The following ATP8B1 variants were observed in gnomAD, a reference collection of about 807,000 sequenced individuals.
The protein encoded by ATP8B1 is ATPase phospholipid transporting 8B1, also known as phospholipid-transporting ATPase IC.
Under a neutral mutation model 149.9 loss-of-function variants are expected in ATP8B1, and 80 were observed. The observed-to-expected ratio is 0.53, with a 90% CI of 0.45 to 0.64. The LOEUF (loss-of-function observed/expected upper bound fraction) is 0.64. Among genes scored for constraint, ATP8B1 ranks in the 30% least tolerant of loss-of-function variants. ATP8B1 has a pLI of 0.00. For synonymous variants in ATP8B1, 536 were observed against 562.8 expected (o/e 0.95, Z 0.67); for missense variants, 1,247 against 1,552.6 (o/e 0.80, Z 3.31).
chr18:57,661,247 G>A lies in ATP8B1; in HGVS notation c.2634C>T (p.Asp878=). The A allele has an allele frequency of 6.2e-7, 1 of 1,613,928 alleles. No homozygotes were observed. The highest frequency in any genetic ancestry group is 8.5e-7 in the Non-Finnish European group (1 of 1,179,994). The change falls in exon 22 of 28, where the codon GAC becomes GAT. Residue 878 remains aspartate (D), a synonymous_variant. Coordinates refer to ENST00000648908, the MANE Select transcript of ATP8B1 (RefSeq NM_001374385.1). ...VTPKQKAMVV[D]LVKRYKKAIT... is the part of the protein sequence containing the mutation. ...TGGCTTTCTTGTACCTCTTCACCAG[G>A]TCCACCACCATGGCCTTCTGCTTGG...
chr18:57,756,301 G>T lies in ATP8B1; in HGVS notation c.-25-24469C>A, dbSNP rs74460905. On this transcript the variant is annotated intron_variant, in intron 1 of 27. Coordinates refer to ENST00000648908, the MANE Select transcript of ATP8B1 (RefSeq NM_001374385.1). The stretch of plus-strand genomic sequence containing the variant: ...ACAACATATATATGTGTGTGTGTAT[G>T]TATATATATATATATTTGAGACTGA... Among the ~76,000 whole-genome samples, 14 of 107,830 alleles carry T rather than the reference G, an allele frequency of 1.3e-4. 1 individual carries two copies. In the East Asian group the frequency reaches 3.3e-3, roughly 25 times the overall value. 70.7% of individuals were successfully genotyped at this position (107,830 alleles called of 152,430 possible). A position where few individuals can be genotyped will look rare whatever the true frequency, so the allele number is the denominator to read the frequency against.
chr18:57,797,406 G>T (rs1237544791), intron 1 of ATP8B1, among the ~76,000 whole-genome samples: 1 of 152,200 alleles, frequency 6.6e-6, no homozygotes, highest in Non-Finnish European at 1.5e-5. Context: ...CACGCTGTGG[G>T]GGATGGTGGC....
At chr18:57,749,560 ACTTACC>A (rs1568053190) in intron 1 of ATP8B1, among the ~76,000 whole-genome samples, 3 of 152,180 alleles carry the variant, frequency 2.0e-5, no homozygotes, top group South Asian at 4.1e-4. Flanking sequence ...CAACCTGAAA[ACTTACC>A]CCCGAATTAA....
At position 57,688,349 on chromosome 18, in the gene ATP8B1, G is replaced by C; in HGVS notation, c.1379C>G (p.Thr460Arg). 1 of 1,614,180 alleles carries C rather than the reference G, an allele frequency of 6.2e-7. No individual in the cohort carries two copies. Among genetic ancestry groups the C allele is most frequent in the South Asian group, 1.1e-5 (1 of 91,072 alleles). The change falls in exon 13 of 28, where the codon ACA (threonine) becomes AGA (arginine). Residue 460 changes from threonine to arginine, a missense_variant. By Grantham distance (71) the Thr-to-Arg change is moderately conservative (BLOSUM62 -1). Around this residue, in one of 3 missense-constraint regions of ATP8B1, gnomAD observed 853 missense variants for 1,035.7 expected, o/e 0.82. Transcript: ENST00000648908. ...CTTTTTAAAGGTCATGATATTTTGT[G>C]TGAGTGTCCCCGTCTTATCAGAGAA... is the stretch of plus-strand genomic sequence containing the variant. ...YIFSDKTGTLTQNIMTFKKCC... is the reference protein window; with the variant it reads ...YIFSDKTGTLRQNIMTFKKCC...
chr18:57,756,192 CATAT>C (rs147263393), intron 1 of ATP8B1, among the ~76,000 whole-genome samples: 1,943 of 84,694 alleles, frequency 0.023, 108 homozygotes, highest in African/African-American at 0.081. Flanking sequence ...ATTTCCACAA[CATAT>C]ATATATATAT....
At chr18:57,724,436 C>T (rs1196843362) in intron 2 of ATP8B1, among the ~76,000 whole-genome samples, 2 of 151,096 alleles carry the variant, frequency 1.3e-5, no homozygotes, top group African/African-American at 2.4e-5. Context: ...AAAAAGTGGG[C>T]GAAGGACATG....
intron 1 of ATP8B1, among the ~76,000 whole-genome samples, chr18:57,781,207 C>T (rs2080353281): frequency 6.6e-6 from 1 of 152,210 alleles, no homozygotes; most frequent in Admixed American, 6.5e-5. Flanking sequence ...TTCAAAGTCT[C>T]CCGAGGTGAT....
At chr18:57,659,692 C>T (rs1910267219) in intron 22 of ATP8B1, 1 of 149,566 alleles carries the variant, frequency 6.7e-6, no homozygotes, top group Admixed American at 6.7e-5. Flanking sequence ...ATGAATTAAA[C>T]TGCTAGTGAC....
rs145322478 is a variant in ATP8B1, at chr18:57,684,104, T to G, written c.1562A>C (p.Glu521Ala). 3.3e-5 allele frequency: 54 copies of G among 1,614,070 alleles called. No individual in the cohort carries two copies. The highest frequency in any genetic ancestry group is 4.5e-5 in the East Asian group (2 of 44,896). ...GAAGAAGAACTGTCGTACTTCTGGC[T>G]CTTTCCCTGACTGGATTTGCTCAAT... Reference protein sequence around the residue: ...YLIEQIQSGKEPEVRQFFFLL... With the variant: ...YLIEQIQSGKAPEVRQFFFLL... The change falls in exon 15 of 28, where the codon GAG becomes GCG. Residue 521 changes from glutamate (E) to alanine (A), a missense_variant. Glu to Ala is a moderately radical substitution (Grantham distance 107, BLOSUM62 -1). Around this residue, in one of 3 missense-constraint regions of ATP8B1, gnomAD observed 853 missense variants for 1,035.7 expected, o/e 0.82. Coordinates refer to ENST00000648908, the MANE Select transcript of ATP8B1 (RefSeq NM_001374385.1).
chr18:57,698,539 T>C (rs920388641), intron 6 of ATP8B1, among the ~76,000 whole-genome samples: 7 of 152,156 alleles, frequency 4.6e-5, no homozygotes, highest in African/African-American at 1.7e-4. Flanking sequence ...TTTACCATAT[T>C]GGCCAGGCTG....
chr18:57,680,902 A>G (rs1911932755), intron 15 of ATP8B1, among the ~76,000 whole-genome samples: 1 of 152,128 alleles, frequency 6.6e-6, no homozygotes, highest in Non-Finnish European at 1.5e-5. Flanking sequence ...CAAGCCTTCC[A>G]CATTCTGCTC....
chr18:57,718,103 TAAAAAAAA>T (rs59629558), intron 2 of ATP8B1, among the ~76,000 whole-genome samples: 1 of 31,818 alleles, frequency 3.1e-5, no homozygotes, highest in African/African-American at 1.3e-4. Context: ...CTGGACTAAC[TAAAAAAAA>T]AAAAAAAAAA....
intron 1 of ATP8B1, among the ~76,000 whole-genome samples, chr18:57,736,103 T>A (rs1225238549): frequency 6.6e-6 from 1 of 152,112 alleles, no homozygotes; most frequent in Non-Finnish European, 1.5e-5. Flanking sequence ...GTTAGTTTGC[T>A]GAGAAAGATG....
chr18:57,723,850 T>G (rs1001216802), intron 2 of ATP8B1, among the ~76,000 whole-genome samples: 1 of 149,166 alleles, frequency 6.7e-6, no homozygotes, highest in Non-Finnish European at 1.5e-5. Flanking sequence ...CTTCAAACTA[T>G]ACTACAAGGC....
At chr18:57,693,360 T>C (rs1223198479) in intron 11 of ATP8B1, among the ~76,000 whole-genome samples, 1 of 152,152 alleles carries the variant, frequency 6.6e-6, no homozygotes. Flanking sequence ...TGGGCTGGTA[T>C]CTGGTAACTT....
At position 57,745,103 on chromosome 18, in the gene ATP8B1, GGA is replaced by G. The variant is rs775492823; in HGVS notation, c.-25-13273_-25-13272del. ...ATTCAATGTTTTCAATGTCAGCAGTGGAGATGAATGAATCCTCACCCACCTTG... is the reference window on the plus strand; with the variant it reads ...ATTCAATGTTTTCAATGTCAGCAGTGGATGAATGAATCCTCACCCACCTTG... On this transcript the variant is annotated intron_variant, in intron 1 of 27. Transcript: ENST00000648908. Among the ~76,000 whole-genome samples the G allele has an allele frequency of 4.6e-5, 7 of 152,300 alleles. No individual in the cohort carries two copies. The South Asian group carries it at 1.5e-3, about 32-fold the overall frequency.
At chr18:57,650,081 A>G (rs1325758358) in intron 27 of ATP8B1, among the ~76,000 whole-genome samples, 1 of 152,226 alleles carries the variant, frequency 6.6e-6, no homozygotes, top group Non-Finnish European at 1.5e-5. Flanking sequence ...GATTTGTATG[A>G]CAAAATGTTA....
rs1911312604 is a variant in ATP8B1, at chr18:57,672,908, A to AAAACATG, written c.1820-1329_1820-1328insCATGTTT. 4.0e-5 allele frequency among the ~76,000 whole-genome samples: 3 copies of AAAACATG among 74,356 alleles called. 1 individual carries two copies. The highest frequency in any genetic ancestry group is 9.0e-5 in the African/African-American group (2 of 22,198). 48.8% of individuals were successfully genotyped at this position (74,356 alleles called of 152,430 possible). On this transcript the variant is annotated intron_variant, in intron 16 of 27. Coordinates refer to ENST00000648908, the MANE Select transcript of ATP8B1 (RefSeq NM_001374385.1). ...AAAGTATATATATATATATATATAT[A>AAAACATG]TATATATATATATATATATATATAA... is the stretch of plus-strand genomic sequence containing the variant.
At chr18:57,710,835 A>T (rs1401205506) in intron 2 of ATP8B1, among the ~76,000 whole-genome samples, 1 of 152,068 alleles carries the variant, frequency 6.6e-6, no homozygotes, top group Non-Finnish European at 1.5e-5. Context: ...GGGTTTCATC[A>T]TGTTGGCCAG....
Sources: gnomAD v4.1 joint callset for allele counts (sites outside exome capture counted in the v4.1 genomes callset) on GRCh38, gnomAD v4.1.1 for gene constraint, gnomAD v4.1.1 regional missense constraint, MANE v1.5 for transcripts, NCBI Gene and HGNC (gene_info 2026-07-23, HGNC 2026-07-21) for gene names.